Variants in KIAA1217 observed in about 807,000 individuals in gnomAD.
The protein encoded by KIAA1217 is sickle tail protein homolog.
A neutral mutation model predicts 163.9 loss-of-function variants in KIAA1217; 88 were observed. That is an observed-to-expected ratio of 0.54 (90% confidence interval 0.45 to 0.64). KIAA1217 has a LOEUF of 0.64. Ranked by LOEUF, KIAA1217 falls within the 30% of genes least tolerant of loss-of-function variation. The probability of loss-of-function intolerance (pLI) is 0.00; values close to 1 mark genes in which losing one functional copy is unlikely to be tolerated. For synonymous variants in KIAA1217, 903 were observed against 923.1 expected (o/e 0.98, Z 0.39); for missense variants, 2,372 against 2,475.0 (o/e 0.96, Z 0.88).
intron 2 of KIAA1217, among the ~76,000 whole-genome samples, chr10:24,271,567 G>A (rs945662730): frequency 6.6e-6 from 1 of 152,008 alleles, no homozygotes; most frequent in Non-Finnish European, 1.5e-5. Context: ...CGTGGGCAAC[G>A]TGGCAAAACC....
chr10:24,183,011 T>A (rs1400963430), intron 2 of KIAA1217, among the ~76,000 whole-genome samples: 3 of 152,198 alleles, frequency 2.0e-5, no homozygotes, highest in Non-Finnish European at 4.4e-5. Flanking sequence ...GTGAAAGGCT[T>A]AGTGCCATTC....
At chr10:24,236,152 T>C (rs893411619) in intron 2 of KIAA1217, among the ~76,000 whole-genome samples, 1 of 144,878 alleles carries the variant, frequency 6.9e-6, no homozygotes, top group African/African-American at 2.5e-5. Context: ...GGTTGGTTAT[T>C]TGAATGATAA....
chr10:24,225,680 A>G (rs1404202384), intron 2 of KIAA1217, among the ~76,000 whole-genome samples: 2 of 152,258 alleles, frequency 1.3e-5, no homozygotes, highest in African/African-American at 4.8e-5. Flanking sequence ...TATAAAGAAT[A>G]GTCTTTCCAG....
chr10:23,896,753 C>T (rs1841722544), intron 1 of KIAA1217, among the ~76,000 whole-genome samples: 1 of 152,042 alleles, frequency 6.6e-6, no homozygotes, highest in South Asian at 2.1e-4. Flanking sequence ...CGTCTTTAAA[C>T]TTGAGATGTT....
chr10:23,828,857 A>G, intron 1 of KIAA1217, among the ~76,000 whole-genome samples: 1 of 152,128 alleles, frequency 6.6e-6, no homozygotes, highest in Non-Finnish European at 1.5e-5. Context: ...TTTTTCTTAA[A>G]CTGGTGGATT....
At chr10:24,340,429 T>A (rs988501853) in intron 2 of KIAA1217, among the ~76,000 whole-genome samples, 5 of 152,170 alleles carry the variant, frequency 3.3e-5, no homozygotes, top group Non-Finnish European at 5.9e-5. Context: ...AAGCCATGCC[T>A]TTCACCTTCC....
At chr10:23,710,992 T>C (rs1837216033) in intron 1 of KIAA1217, among the ~76,000 whole-genome samples, 1 of 152,172 alleles carries the variant, frequency 6.6e-6, no homozygotes, top group Non-Finnish European at 1.5e-5. Context: ...AAATCTATAT[T>C]AAAATATTTG....
intron 2 of KIAA1217, among the ~76,000 whole-genome samples, chr10:24,305,075 G>C (rs540749933): frequency 7.0e-4 from 107 of 152,270 alleles, no homozygotes; most frequent in African/African-American, 1.9e-3. Context: ...GATGATGAAG[G>C]TCTCAAAGTT....
At chr10:23,869,329 A>G (rs1173037469) in intron 1 of KIAA1217, among the ~76,000 whole-genome samples, 1 of 152,004 alleles carries the variant, frequency 6.6e-6, no homozygotes. Flanking sequence ...ATAACATATT[A>G]GGTCTCCGCT....
At chr10:24,031,687 CTGTT>C (rs1431810817) in intron 2 of KIAA1217, among the ~76,000 whole-genome samples, 2 of 151,642 alleles carry the variant, frequency 1.3e-5, no homozygotes, top group East Asian at 1.9e-4. Flanking sequence ...CTTAATTTCA[CTGTT>C]TGTGTGTGTG....
intron 2 of KIAA1217, among the ~76,000 whole-genome samples, chr10:24,045,108 C>A (rs1333290365): frequency 1.3e-5 from 2 of 152,124 alleles, no homozygotes; most frequent in Admixed American, 6.5e-5. Context: ...ATACTTTGGA[C>A]AGGCATAGAT....
Position 24,319,249 on chromosome 10 carries a change from A to G in KIAA1217, c.355-61620A>G, listed in dbSNP as rs138517180. On this transcript the variant is annotated intron_variant, in intron 2 of 20. Coordinates refer to ENST00000376454, the MANE Select transcript of KIAA1217 (RefSeq NM_019590.5). Reference sequence around the variant, plus strand: ...AAAAATTAGCTAGGTGTGGTGGTGCATGTCTAATCCCAGCTACTCAGGAGG... The same window carrying G: ...AAAAATTAGCTAGGTGTGGTGGTGCGTGTCTAATCCCAGCTACTCAGGAGG... Among the ~76,000 whole-genome samples the G allele has an allele frequency of 5.2e-3, 787 of 152,114 alleles. 10 individuals are homozygous for G. The highest frequency in any genetic ancestry group is 0.017 in the African/African-American group (721 of 41,524).
At chr10:23,729,390 A>C (rs893193710) in intron 1 of KIAA1217, among the ~76,000 whole-genome samples, 5 of 152,174 alleles carry the variant, frequency 3.3e-5, no homozygotes, top group Non-Finnish European at 5.9e-5. Context: ...TTCCAAAATG[A>C]CTACACCATT....
intron 2 of KIAA1217, among the ~76,000 whole-genome samples, chr10:24,308,374 A>T (rs1564444928): frequency 6.6e-6 from 1 of 152,248 alleles, no homozygotes; most frequent in South Asian, 2.1e-4. Context: ...GGGAATTTGG[A>T]TTGGAAAGAA....
At chr10:24,515,393 G>A (rs2069943071) in intron 10 of KIAA1217, among the ~76,000 whole-genome samples, 2 of 152,074 alleles carry the variant, frequency 1.3e-5, no homozygotes, top group Admixed American at 1.3e-4. Flanking sequence ...TTTAAAAATT[G>A]TGTTTATTGG....
chr10:23,835,840 G>T (rs927869804), intron 1 of KIAA1217, among the ~76,000 whole-genome samples: 3 of 151,902 alleles, frequency 2.0e-5, no homozygotes, highest in African/African-American at 7.3e-5. Flanking sequence ...CTTCCTTTAT[G>T]AGTATTTCAT....
At chr10:24,436,127 C>A (rs532532040) in intron 4 of KIAA1217, among the ~76,000 whole-genome samples, 45 of 152,194 alleles carry the variant, frequency 3.0e-4, no homozygotes, top group Non-Finnish European at 5.7e-4. Flanking sequence ...TCCCAAAGTG[C>A]TGGGATTATA....
chr10:24,389,329 C>G (rs977048501), intron 3 of KIAA1217, among the ~76,000 whole-genome samples: 4 of 151,958 alleles, frequency 2.6e-5, no homozygotes, highest in East Asian at 1.9e-4. Context: ...CATGTTCTCA[C>G]TCATAGGTGG....
intron 2 of KIAA1217, among the ~76,000 whole-genome samples, chr10:24,051,091 G>C (rs1849467852): frequency 1.3e-5 from 2 of 152,196 alleles, no homozygotes; most frequent in South Asian, 2.1e-4. Context: ...CCTTCTCCCT[G>C]AGTTCCCAAA....
Sources: gnomAD v4.1 joint callset for allele counts (sites outside exome capture counted in the v4.1 genomes callset) on GRCh38, gnomAD v4.1.1 for gene constraint, MANE v1.5 for transcripts, NCBI Gene and HGNC (gene_info 2026-07-23, HGNC 2026-07-21) for gene names.